Variants in TNFRSF10B observed in about 807,000 individuals in gnomAD.
The protein encoded by TNFRSF10B is tumor necrosis factor receptor superfamily member 10B.
Under a neutral mutation model 41.4 loss-of-function variants are expected in TNFRSF10B, and 35 were observed. That is an observed-to-expected ratio of 0.85 (90% CI 0.65 to 1.12). The LOEUF (loss-of-function observed/expected upper bound fraction) is 1.12. Ranked by LOEUF, TNFRSF10B falls within the 50% of genes most tolerant of loss-of-function variation. TNFRSF10B has a pLI of 0.00. For synonymous variants in TNFRSF10B, 230 were observed against 215.5 expected (o/e 1.07, Z -0.59); for missense variants, 584 against 552.7 (o/e 1.06, Z -0.57).
In TNFRSF10B at chr8:23,020,361, C is replaced by G. The variant is rs1008760233; in HGVS notation, c.*2310G>C. 4.4e-6 allele frequency: 2 copies of G among 453,914 alleles called. No homozygotes were observed. Among genetic ancestry groups the G allele is most frequent in the Admixed American group, 4.7e-5 (2 of 42,550 alleles). 28.1% of individuals were successfully genotyped at this position (453,914 alleles called of 1,614,324 possible). On this transcript the variant is annotated 3_prime_UTR_variant, in exon 9 of 9. Coordinates refer to ENST00000276431, the MANE Select transcript of TNFRSF10B (RefSeq NM_003842.5). ...AGCAAAGCCTAATGTAACTAAACAACAAAACCCCCAATTATTTCATGTCGT... is the reference window on the plus strand; with the variant it reads ...AGCAAAGCCTAATGTAACTAAACAAGAAAACCCCCAATTATTTCATGTCGT...
intron 1 of TNFRSF10B, among the ~76,000 whole-genome samples, chr8:23,059,601 G>C (rs896964372): frequency 6.6e-6 from 1 of 152,198 alleles, no homozygotes; most frequent in Non-Finnish European, 1.5e-5. Context: ...CCGCCTCCTG[G>C]GTTCACGCCA....
intron 8 of TNFRSF10B, 35 bp downstream of exon 8, chr8:23,024,153 C>A (rs1233467197): frequency 2.5e-6 from 4 of 1,613,506 alleles, no homozygotes; most frequent in African/African-American, 2.7e-5. Flanking sequence ...CTATTCCCTC[C>A]ATTCCTGCTG....
intron 2 of TNFRSF10B, among the ~76,000 whole-genome samples, chr8:23,033,444 G>A (rs191404738): frequency 0.011 from 1,609 of 151,846 alleles, 26 homozygotes; most frequent in African/African-American, 0.037. Flanking sequence ...AAAATTAGCC[G>A]GGCGAGGTGG....
chr8:23,050,882 T>C (rs1812504221), intron 1 of TNFRSF10B, among the ~76,000 whole-genome samples: 1 of 152,148 alleles, frequency 6.6e-6, no homozygotes. Context: ...GAGACCAGCC[T>C]GGCCAACATG....
At position 23,028,392 on chromosome 8, in the gene TNFRSF10B, C is replaced by T. The variant is rs1456794033; in HGVS notation, c.687G>A (p.Val229=). Residue 229 remains valine (V), a synonymous_variant, in exon 5 of 9, where the codon GTG becomes GTA. Coordinates refer to ENST00000276431, the MANE Select transcript of TNFRSF10B (RefSeq NM_003842.5). ...TVAAVVLIVA[V]FVCKSLLWKK... ...TCCACAGTAAAGACTTGCAAACAAA[C>T]ACAGCCACAATCAAGACTACGGCTG... 3 of 1,614,174 alleles carry T rather than the reference C, an allele frequency of 1.9e-6. No homozygotes were observed. In the Admixed American group the frequency reaches 5.0e-5, roughly 27 times the overall value.
chr8:23,053,028 G>T (rs1184432375), intron 1 of TNFRSF10B, among the ~76,000 whole-genome samples: 8 of 152,236 alleles, frequency 5.3e-5, no homozygotes, highest in Non-Finnish European at 1.0e-4. Flanking sequence ...AGGCATGTCA[G>T]AGATTGTCTG....
At chr8:23,064,224 T>C (rs1036491032) in intron 1 of TNFRSF10B, among the ~76,000 whole-genome samples, 4 of 152,074 alleles carry the variant, frequency 2.6e-5, no homozygotes, top group Non-Finnish European at 4.4e-5. Flanking sequence ...GTAGTGGACA[T>C]AGAGGAAAGA....
chr8:23,029,673 T>C lies in TNFRSF10B; in HGVS notation c.413A>G (p.Gln138Arg), dbSNP rs773129090. ...TTCCCGGAAGGTGCCTTCTTCGCAC[T>C]GACACACTGTGTTTCTGGTCGTGGT... ...PCTTTRNTVC[Q>R]CEEGTFREED... Residue 138 changes from glutamine to arginine, a missense_variant, in exon 4 of 9, where the codon CAG becomes CGG. By Grantham distance (43) the Gln-to-Arg change is conservative. Coordinates refer to ENST00000276431, the MANE Select transcript of TNFRSF10B (RefSeq NM_003842.5). The C allele has an allele frequency of 1.9e-6, 3 of 1,614,042 alleles. No homozygotes were observed. The South Asian group carries it at 3.3e-5, about 18-fold the overall frequency.
intron 1 of TNFRSF10B, among the ~76,000 whole-genome samples, chr8:23,062,744 G>T (rs1159698896): frequency 6.6e-6 from 1 of 152,044 alleles, no homozygotes; most frequent in Non-Finnish European, 1.5e-5. Flanking sequence ...CTTTAACTCA[G>T]CATAATTATT....
At chr8:23,064,872 A>T (rs974437108) in intron 1 of TNFRSF10B, among the ~76,000 whole-genome samples, 1 of 152,252 alleles carries the variant, frequency 6.6e-6, no homozygotes, top group African/African-American at 2.4e-5. Flanking sequence ...CTTTAAACAC[A>T]TGCTCTGATT....
rs1421034767 is a variant in TNFRSF10B, at chr8:23,027,183, C to T, written c.886G>A (p.Glu296Lys). 6.2e-7 allele frequency: 1 copy of T among 1,614,230 alleles called. No homozygotes were observed. Among genetic ancestry groups the T allele is most frequent in the Non-Finnish European group, 8.5e-7 (1 of 1,180,036 alleles). ...GACAACATGTTGACACCTGTTGGCT[C>T]TGCTGGCTCCTGGACTTCCATTTCC... ...EQEMEVQEPA[E>K]PTGVNMLSPG... Residue 296 changes from glutamate to lysine, a missense_variant, in exon 7 of 9, where the codon GAG becomes AAG. Transcript: ENST00000276431.
intron 1 of TNFRSF10B, among the ~76,000 whole-genome samples, chr8:23,058,162 G>A (rs561688340): frequency 6.6e-4 from 101 of 152,208 alleles, no homozygotes; most frequent in Admixed American, 1.2e-3. Context: ...CAGGAGAATC[G>A]CTTGAACCCA....
chr8:23,061,824 G>A (rs1224469018), intron 1 of TNFRSF10B, among the ~76,000 whole-genome samples: 3 of 152,118 alleles, frequency 2.0e-5, no homozygotes, highest in African/African-American at 4.8e-5. Flanking sequence ...TTCTATTAAT[G>A]CAATGTATTA....
At chr8:23,060,729 A>C (rs905045586) in intron 1 of TNFRSF10B, among the ~76,000 whole-genome samples, 3 of 152,174 alleles carry the variant, frequency 2.0e-5, no homozygotes, top group African/African-American at 7.2e-5. Context: ...TCACTTTAGG[A>C]AATGTTGACA....
At chr8:23,065,378 G>A (rs1229902447) in intron 1 of TNFRSF10B, among the ~76,000 whole-genome samples, 1 of 152,216 alleles carries the variant, frequency 6.6e-6, no homozygotes, top group Non-Finnish European at 1.5e-5. Flanking sequence ...GAGGCCAAGT[G>A]CAGGGCAGAG....
chr8:23,023,566 C>T (rs1422324782), intron 8 of TNFRSF10B, among the ~76,000 whole-genome samples: 1 of 152,104 alleles, frequency 6.6e-6, no homozygotes, highest in African/African-American at 2.4e-5. Context: ...TTAAATGAGA[C>T]GTGTGTGCAA....
At chr8:23,039,155 C>T (rs947299042) in intron 2 of TNFRSF10B, among the ~76,000 whole-genome samples, 7 of 151,810 alleles carry the variant, frequency 4.6e-5, no homozygotes, top group South Asian at 2.1e-4. Context: ...ATAGGGTTCA[C>T]GCTCCTATGA....
chr8:23,021,242 C>G lies in TNFRSF10B; in HGVS notation c.*1429G>C, dbSNP rs1186531389. 2 of 454,162 alleles carry G rather than the reference C, an allele frequency of 4.4e-6. No homozygotes were observed. The highest frequency in any genetic ancestry group is 8.8e-6 in the Non-Finnish European group (2 of 226,804). 28.1% of individuals were successfully genotyped at this position (454,162 alleles called of 1,614,324 possible). A position where few individuals can be genotyped will look rare whatever the true frequency, so the allele number is the denominator to read the frequency against. Reference sequence around the variant, plus strand: ...AGAAAACCTTAATGCGTCAGCCATTCTAGGTCCTGTTGCCACAGTGTTTAA... The same window carrying G: ...AGAAAACCTTAATGCGTCAGCCATTGTAGGTCCTGTTGCCACAGTGTTTAA... On this transcript the variant is annotated 3_prime_UTR_variant, in exon 9 of 9. Coordinates refer to ENST00000276431, the MANE Select transcript of TNFRSF10B (RefSeq NM_003842.5).
intron 2 of TNFRSF10B, among the ~76,000 whole-genome samples, chr8:23,036,210 T>A (rs1812026089): frequency 6.6e-6 from 1 of 152,184 alleles, no homozygotes; most frequent in Non-Finnish European, 1.5e-5. Flanking sequence ...GAACTGAGTG[T>A]TATTTTGCCT....
Sources: gnomAD v4.1 joint callset for allele counts (sites outside exome capture counted in the v4.1 genomes callset) on GRCh38, gnomAD v4.1.1 for gene constraint, MANE v1.5 for transcripts, NCBI Gene and HGNC (gene_info 2026-07-23, HGNC 2026-07-21) for gene names.